The following TNFRSF13C variants were observed in gnomAD, a reference collection of about 807,000 sequenced individuals.
TNFRSF13C encodes tumor necrosis factor receptor superfamily member 13C.
In TNFRSF13C, 7 loss-of-function variants were observed where a neutral mutation model predicts 12.1. The observed-to-expected ratio is 0.58, with a 90% CI of 0.33 to 1.08. The LOEUF is 1.08. Ranked by LOEUF, TNFRSF13C falls within the 50% of genes least tolerant of loss-of-function variation. TNFRSF13C has a pLI of 0.04. For synonymous variants in TNFRSF13C, 157 were observed against 130.8 expected, an observed-to-expected ratio of 1.20 and a Z score of -1.37; for missense variants, 260 against 265.9, an observed-to-expected ratio of 0.98 and a Z score of 0.15.
chr22:41,922,590 C>T lies in TNFRSF13C; in HGVS notation c.*2777G>A, dbSNP rs576282745. 3 of 147,958 alleles carry T rather than the reference C, an allele frequency of 2.0e-5. No individual in the cohort carries two copies. Among genetic ancestry groups the T allele is most frequent in the Non-Finnish European group, 4.4e-5 (3 of 67,556 alleles). The allele number at this position is 147,958 out of a possible 1,614,324, so 9.2% of individuals were successfully genotyped here. A position where few individuals can be genotyped will look rare whatever the true frequency, so the allele number is the denominator to read the frequency against. Reference sequence around the variant, plus strand: ...GCCCCAGAGGGGTTTCACCCACCCTCGGGGTTTTCACCTGCTGAGCTAACC... The same window carrying T: ...GCCCCAGAGGGGTTTCACCCACCCTTGGGGTTTTCACCTGCTGAGCTAACC... On this transcript the variant is annotated 3_prime_UTR_variant, in exon 3 of 3. Coordinates refer to ENST00000291232, the MANE Select transcript of TNFRSF13C (RefSeq NM_052945.4).
At position 41,923,636 on chromosome 22, in the gene TNFRSF13C, C is replaced by T. The variant is rs1013022431; in HGVS notation, c.*1731G>A. 2.0e-5 allele frequency: 3 copies of T among 152,294 alleles called. No individual in the cohort carries two copies. Among genetic ancestry groups the T allele is most frequent in the Non-Finnish European group, 2.9e-5 (2 of 68,114 alleles). 9.4% of individuals were successfully genotyped at this position (152,294 alleles called of 1,614,324 possible). On this transcript the variant is annotated 3_prime_UTR_variant, in exon 3 of 3. Coordinates refer to ENST00000291232, the MANE Select transcript of TNFRSF13C (RefSeq NM_052945.4). ...CATGTCCACCTGGTTCAAGGTCACA[C>T]GCCTGCCCTGGCCTCTACACAAAGG...
In TNFRSF13C at chr22:41,926,327, C is replaced by A. The variant is rs2077630830; in HGVS notation, c.141G>T (p.Gly47=). 2 of 1,418,486 alleles carry A rather than the reference C, an allele frequency of 1.4e-6. No homozygotes were observed. Among genetic ancestry groups the A allele is most frequent in the Non-Finnish European group, 1.8e-6 (2 of 1,094,294 alleles). The allele number at this position is 1,418,486 out of a possible 1,614,324, so 87.9% of individuals were successfully genotyped here. Residue 47 remains glycine (G), a synonymous_variant, in exon 2 of 3, where the codon GGG becomes GGT. Coordinates refer to ENST00000291232, the MANE Select transcript of TNFRSF13C (RefSeq NM_052945.4). The surrounding 1 kb of genome is among the most constrained non-coding windows in gnomAD (Gnocchi z 4.9). ...LLRTPRPKPA[G]ASSPAPRTAL... ...CCGTCCTGGGCGCAGGGCTGCTGGC[C>A]CCGGCTGCTTCGGGAGGGGACAGGG...
In TNFRSF13C at chr22:41,924,316, C is replaced by G. The variant is rs2077618486; in HGVS notation, c.*1051G>C. On this transcript the variant is annotated 3_prime_UTR_variant, in exon 3 of 3. Transcript: ENST00000291232. ...CCTGGCTAATACGGTGACACCCCGT[C>G]TCTACTAAAAATACAAAAAAAATTA... The G allele has an allele frequency of 6.6e-6, 1 of 151,384 alleles. No homozygotes were observed. Among genetic ancestry groups the G allele is most frequent in the South Asian group, 2.1e-4 (1 of 4,782 alleles). The allele number at this position is 151,384 out of a possible 1,614,324, so 9.4% of individuals were successfully genotyped here. A position where few individuals can be genotyped will look rare whatever the true frequency, so the allele number is the denominator to read the frequency against.
Position 41,926,610 on chromosome 22 carries a change from C to A in TNFRSF13C, c.136+28G>T. ...GCCCCGTTCTCCCCGCAGCTGCCGG[C>A]GCCGCGCGCCCCGTGGGTCCCCCTT... On this transcript the variant is annotated intron_variant, in intron 1 of 2. Transcript: ENST00000291232. This position sits in a 1 kb window ranked among gnomAD's most constrained non-coding sequence, Gnocchi z 4.9. 7.1e-7 allele frequency: 1 copy of A among 1,416,112 alleles called. No individual in the cohort carries two copies. The highest frequency in any genetic ancestry group is 9.2e-7 in the Non-Finnish European group (1 of 1,088,300). The allele number at this position is 1,416,112 out of a possible 1,614,324, so 87.7% of individuals were successfully genotyped here.
rs2077630995 is a variant in TNFRSF13C, at chr22:41,926,337, T to C, written c.137-6A>G. ...CGCAGGGCTGCTGGCCCCGGCTGCT[T>C]CGGGAGGGGACAGGGAGGGAGGCCA... is the stretch of plus-strand genomic sequence containing the variant. On this transcript the variant is annotated splice_region_variant and splice_polypyrimidine_tract_variant and intron_variant, in intron 1 of 2. Transcript: ENST00000291232. The surrounding 1 kb of genome is among the most constrained non-coding windows in gnomAD (Gnocchi z 4.9). 3 of 1,298,674 alleles carry C rather than the reference T, an allele frequency of 2.3e-6. No homozygotes were observed. Among genetic ancestry groups the C allele is most frequent in the Non-Finnish European group, 2.9e-6 (3 of 1,024,540 alleles). 80.4% of individuals were successfully genotyped at this position (1,298,674 alleles called of 1,614,324 possible).
At position 41,926,563 on chromosome 22, in the gene TNFRSF13C, T is replaced by C; in HGVS notation, c.136+75A>G. The stretch of plus-strand genomic sequence containing the variant: ...TCGGCGCCCCCGGGGGTCGGGGCTC[T>C]GCCTGCGCCCTGGCGATCGGGGCCC... On this transcript the variant is annotated intron_variant, in intron 1 of 2. Transcript: ENST00000291232. The surrounding 1 kb of genome is among the most constrained non-coding windows in gnomAD (Gnocchi z 4.9). 2 of 1,339,574 alleles carry C rather than the reference T, an allele frequency of 1.5e-6. No homozygotes were observed. Among genetic ancestry groups the C allele is most frequent in the Non-Finnish European group, 1.9e-6 (2 of 1,050,702 alleles). The allele number at this position is 1,339,574 out of a possible 1,614,324, so 83.0% of individuals were successfully genotyped here. A position where few individuals can be genotyped will look rare whatever the true frequency, so the allele number is the denominator to read the frequency against.
Position 41,924,942 on chromosome 22 carries a change from C to T in TNFRSF13C, c.*425G>A. ...ACTCCAGCCTGGCGACAGAGCAAGA[C>T]TCGTCTCAAAAAAAAAAAAAAAAAA... is the stretch of plus-strand genomic sequence containing the variant. On this transcript the variant is annotated 3_prime_UTR_variant, in exon 3 of 3. Coordinates refer to ENST00000291232, the MANE Select transcript of TNFRSF13C (RefSeq NM_052945.4). 1.0e-5 allele frequency: 1 copy of T among 99,068 alleles called. No homozygotes were observed. The highest frequency in any genetic ancestry group is 2.6e-4 in the East Asian group (1 of 3,776). The allele number at this position is 99,068 out of a possible 1,614,324, so 6.1% of individuals were successfully genotyped here. A position where few individuals can be genotyped will look rare whatever the true frequency, so the allele number is the denominator to read the frequency against.
rs753761495 is a variant in TNFRSF13C at position 41,925,552 on chromosome 22, G to A, written c.370C>T (p.Pro124Ser). The A allele has an allele frequency of 1.1e-5, 17 of 1,612,432 alleles. No homozygotes were observed. The highest frequency in any genetic ancestry group is 1.4e-5 in the Non-Finnish European group (16 of 1,179,980). ...AEAPDGDKDA[P>S]EPLDKVIILS... ...ATGATGACCTTGTCCAGGGGCTCTG[G>A]GGCTGCAGGCAGAGGGGGTAGAGGC... The change falls in exon 3 of 3, where the codon CCA becomes TCA. Residue 124 changes from proline to serine, a missense_variant and splice_region_variant. By Grantham distance (74) the Pro-to-Ser change is moderately conservative. Coordinates refer to ENST00000291232, the MANE Select transcript of TNFRSF13C (RefSeq NM_052945.4).
chr22:41,923,747 A>G lies in TNFRSF13C; in HGVS notation c.*1620T>C, dbSNP rs544482105. Reference sequence around the variant, plus strand: ...GCTGGAACCCCAGGTGGACCCTGAGAGAGCTACCTGCCAGCATGTTCCTTC... The same window carrying G: ...GCTGGAACCCCAGGTGGACCCTGAGGGAGCTACCTGCCAGCATGTTCCTTC... On this transcript the variant is annotated 3_prime_UTR_variant, in exon 3 of 3. Coordinates refer to ENST00000291232, the MANE Select transcript of TNFRSF13C (RefSeq NM_052945.4). 6.6e-6 allele frequency: 1 copy of G among 152,310 alleles called. No individual in the cohort carries two copies. Among genetic ancestry groups the G allele is most frequent in the South Asian group, 2.1e-4 (1 of 4,824 alleles). 9.4% of individuals were successfully genotyped at this position (152,310 alleles called of 1,614,324 possible). A position where few individuals can be genotyped will look rare whatever the true frequency, so the allele number is the denominator to read the frequency against.
Position 41,926,770 on chromosome 22 carries a change from T to G in TNFRSF13C, c.4A>C (p.Arg2=). The change falls in exon 1 of 3, where the codon AGG becomes CGG. Residue 2 remains arginine, a synonymous_variant. Transcript: ENST00000291232. This position sits in a 1 kb window ranked among gnomAD's most constrained non-coding sequence, Gnocchi z 4.9. M[R]RGPRSLRGRD... ...CCCCGCAGGCTCCGGGGCCCTCGCCTCATGGTGCCGACGCCGCCGCACAAG... is the reference window on the plus strand; with the variant it reads ...CCCCGCAGGCTCCGGGGCCCTCGCCGCATGGTGCCGACGCCGCCGCACAAG... 1 of 1,343,828 alleles carries G rather than the reference T, an allele frequency of 7.4e-7. No homozygotes were observed. Among genetic ancestry groups the G allele is most frequent in the Non-Finnish European group, 9.5e-7 (1 of 1,050,892 alleles). 83.2% of individuals were successfully genotyped at this position (1,343,828 alleles called of 1,614,324 possible). A position where few individuals can be genotyped will look rare whatever the true frequency, so the allele number is the denominator to read the frequency against.
rs1382035439 is a variant in TNFRSF13C at position 41,926,145 on chromosome 22, AGCCGCCGCTGTC to A, written c.311_322del (p.Arg104_Arg107del). 9 of 1,611,454 alleles carry A rather than the reference AGCCGCCGCTGTC, an allele frequency of 5.6e-6. 1 individual carries two copies. Among genetic ancestry groups the A allele is most frequent in the East Asian group, 2.2e-5 (1 of 44,848 alleles). ...GGCCTCTGCGGAGGACGCGCCGCGA[AGCCGCCGCTGTC>A]GCCGCCTCCAGCTCACCAGACCCAC... On this transcript the variant is annotated inframe_deletion, in exon 2 of 3. Coordinates refer to ENST00000291232, the MANE Select transcript of TNFRSF13C (RefSeq NM_052945.4). The surrounding 1 kb of genome is among the most constrained non-coding windows in gnomAD (Gnocchi z 4.9).
rs1444654784 is a variant in TNFRSF13C, at chr22:41,926,450, T to C, written c.137-119A>G. 1 of 952,664 alleles carries C rather than the reference T, an allele frequency of 1.0e-6. No homozygotes were observed. Among genetic ancestry groups the C allele is most frequent in the African/African-American group, 1.9e-5 (1 of 52,290 alleles). 59.0% of individuals were successfully genotyped at this position (952,664 alleles called of 1,614,324 possible). A position where few individuals can be genotyped will look rare whatever the true frequency, so the allele number is the denominator to read the frequency against. ...GAGGGGAGGGACAGCCGGGGGGCGGTGGACAAGGGGAGGGAGAGAGGCGGC... is the reference window on the plus strand; with the variant it reads ...GAGGGGAGGGACAGCCGGGGGGCGGCGGACAAGGGGAGGGAGAGAGGCGGC... On this transcript the variant is annotated intron_variant, in intron 1 of 2. Transcript: ENST00000291232. This position sits in a 1 kb window ranked among gnomAD's most constrained non-coding sequence, Gnocchi z 4.9.
chr22:41,923,501 G>A lies in TNFRSF13C; in HGVS notation c.*1866C>T, dbSNP rs1244581700. The A allele has an allele frequency of 6.5e-6, 1 of 152,846 alleles. No individual in the cohort carries two copies. Among genetic ancestry groups the A allele is most frequent in the African/African-American group, 2.4e-5 (1 of 41,448 alleles). The allele number at this position is 152,846 out of a possible 1,614,324, so 9.5% of individuals were successfully genotyped here. The stretch of plus-strand genomic sequence containing the variant: ...GTAAGAGGAGGGAGCAGCTTCCACT[G>A]TGACGGTGGGTGACCAGGGGGCTGG... On this transcript the variant is annotated 3_prime_UTR_variant, in exon 3 of 3. Coordinates refer to ENST00000291232, the MANE Select transcript of TNFRSF13C (RefSeq NM_052945.4).
Position 41,926,581 on chromosome 22 carries a change from C to A in TNFRSF13C, c.136+57G>T. 1.5e-6 allele frequency: 2 copies of A among 1,366,502 alleles called. No individual in the cohort carries two copies. Among genetic ancestry groups the A allele is most frequent in the South Asian group, 3.4e-5 (2 of 58,978 alleles). The allele number at this position is 1,366,502 out of a possible 1,614,324, so 84.6% of individuals were successfully genotyped here. On this transcript the variant is annotated intron_variant, in intron 1 of 2. Coordinates refer to ENST00000291232, the MANE Select transcript of TNFRSF13C (RefSeq NM_052945.4). This position sits in a 1 kb window ranked among gnomAD's most constrained non-coding sequence, Gnocchi z 4.9. ...GGGGCTCTGCCTGCGCCCTGGCGAT[C>A]GGGGCCCCGTTCTCCCCGCAGCTGC... is the stretch of plus-strand genomic sequence containing the variant.
In TNFRSF13C at chr22:41,926,283, G is replaced by C. The variant is rs1281840629; in HGVS notation, c.185C>G (p.Ser62Trp). ...CGCCTCGCCGGCCCCCGCGCCCACC[G>C]ACTCCTGCGGCTGCAGCGCCGTCCT... ...APRTALQPQE[S>W]VGAGAGEAAL... The change falls in exon 2 of 3, where the codon TCG becomes TGG. Residue 62 changes from serine to tryptophan, a missense_variant. Ser to Trp is a radical substitution (Grantham distance 177). Transcript: ENST00000291232. This position sits in a 1 kb window ranked among gnomAD's most constrained non-coding sequence, Gnocchi z 4.9. The C allele has an allele frequency of 6.7e-7, 1 of 1,486,392 alleles. No homozygotes were observed. The highest frequency in any genetic ancestry group is 2.2e-4 in the Middle Eastern group (1 of 4,530). 92.1% of individuals were successfully genotyped at this position (1,486,392 alleles called of 1,614,324 possible).
In TNFRSF13C at chr22:41,926,396, A is replaced by T; in HGVS notation, c.137-65T>A. 2.4e-6 allele frequency: 1 copy of T among 408,438 alleles called. No homozygotes were observed. The highest frequency in any genetic ancestry group is 2.9e-6 in the Non-Finnish European group (1 of 350,416). The allele number at this position is 408,438 out of a possible 1,614,324, so 25.3% of individuals were successfully genotyped here. A position where few individuals can be genotyped will look rare whatever the true frequency, so the allele number is the denominator to read the frequency against. ...AGGGGAGGGAGGAGCGGGGACGGGG[A>T]GGGGCGGAGGGGGGCGAGGCTGGCC... On this transcript the variant is annotated intron_variant, in intron 1 of 2. Coordinates refer to ENST00000291232, the MANE Select transcript of TNFRSF13C (RefSeq NM_052945.4). This position sits in a 1 kb window ranked among gnomAD's most constrained non-coding sequence, Gnocchi z 4.9.
Position 41,922,286 on chromosome 22 carries a change from C to G in TNFRSF13C, c.*3081G>C, listed in dbSNP as rs1320461344. The G allele has an allele frequency of 6.6e-6, 1 of 152,096 alleles. No homozygotes were observed. The highest frequency in any genetic ancestry group is 1.5e-5 in the Non-Finnish European group (1 of 68,026). 9.4% of individuals were successfully genotyped at this position (152,096 alleles called of 1,614,324 possible). On this transcript the variant is annotated 3_prime_UTR_variant, in exon 3 of 3. Coordinates refer to ENST00000291232, the MANE Select transcript of TNFRSF13C (RefSeq NM_052945.4). ...TTTTTTTCACAAAAAAAAATTTAAA[C>G]AAACACAAACACCCCACCCCCCTCC...
Position 41,923,291 on chromosome 22 carries a change from T to G in TNFRSF13C, c.*2076A>C, listed in dbSNP as rs1000232273. The G allele has an allele frequency of 6.5e-6, 1 of 154,772 alleles. No homozygotes were observed. The highest frequency in any genetic ancestry group is 2.4e-5 in the African/African-American group (1 of 41,534). The allele number at this position is 154,772 out of a possible 1,614,324, so 9.6% of individuals were successfully genotyped here. ...CTCCACCTTCTGACTCCTAGTCCAG[T>G]GCTCCCTTCCAAAGATGCTAAGCTG... is the stretch of plus-strand genomic sequence containing the variant. On this transcript the variant is annotated 3_prime_UTR_variant, in exon 3 of 3. Coordinates refer to ENST00000291232, the MANE Select transcript of TNFRSF13C (RefSeq NM_052945.4).
At position 41,926,228 on chromosome 22, in the gene TNFRSF13C, G is replaced by A. The variant is rs776184560; in HGVS notation, c.240C>T (p.Gly80=). ...AALPLPGLLF[G]APALLGLALV... ...GTGCCAGGCCCAGCAGCGCGGGGGC[G>A]CCAAAGAGCAGCCCGGGCAGGGGCA... Residue 80 remains glycine, a synonymous_variant, in exon 2 of 3, where the codon GGC becomes GGT. Coordinates refer to ENST00000291232, the MANE Select transcript of TNFRSF13C (RefSeq NM_052945.4). The surrounding 1 kb of genome is among the most constrained non-coding windows in gnomAD (Gnocchi z 4.9). 50 of 1,587,270 alleles carry A rather than the reference G, an allele frequency of 3.2e-5. No individual in the cohort carries two copies. In the East Asian group the frequency reaches 1.0e-3, roughly 33 times the overall value.
Sources: gnomAD v4.1 joint callset for allele counts on GRCh38, gnomAD v4.1.1 for gene constraint, Gnocchi (gnomAD v3.1) non-coding constraint, MANE v1.5 for transcripts, NCBI Gene and HGNC (gene_info 2026-07-23, HGNC 2026-07-21) for gene names.